Variants in FABP7 observed in about 807,000 individuals in gnomAD.
FABP7 encodes fatty acid-binding protein, brain.
A neutral mutation model predicts 14.2 loss-of-function variants in FABP7; 13 were observed. The ratio of observed to expected loss-of-function variants is 0.91; its 90% CI spans 0.59 to 1.45. The LOEUF is 1.45. FABP7 is among the 40% of genes most tolerant of loss of function. The pLI is 0.00. For synonymous variants in FABP7, 49 were observed against 51.4 expected, an observed-to-expected ratio of 0.95 and a Z score of 0.20; for missense variants, 149 against 157.6, an observed-to-expected ratio of 0.95 and a Z score of 0.29.
chr6:122,758,623 T>A, the FABP7 span, among the ~76,000 whole-genome samples: 1 of 152,326 alleles, frequency 6.6e-6, no homozygotes, highest in Non-Finnish European at 1.5e-5. Flanking sequence ...TGTGAATTTA[T>A]GTCCATTGTT....
chr6:122,766,372 G>T, the FABP7 span, among the ~76,000 whole-genome samples: 2 of 152,228 alleles, frequency 1.3e-5, no homozygotes, highest in Non-Finnish European at 2.9e-5. Context: ...GAAAGACTGT[G>T]CAGGAAAGAA....
intron 3 of FABP7, chr6:122,782,904 T>A (rs1232497996): frequency 1.0e-6 from 1 of 985,256 alleles, no homozygotes; most frequent in Non-Finnish European, 1.2e-6. Flanking sequence ...AAAGATTCGC[T>A]CTGAAGTTCT....
chr6:122,759,275 C>A, the FABP7 span, among the ~76,000 whole-genome samples: 2 of 152,072 alleles, frequency 1.3e-5, no homozygotes, highest in East Asian at 3.9e-4. Flanking sequence ...ACAAACTTCC[C>A]CCATAGGGTG....
At chr6:122,781,442 AT>A (rs1780781930) in intron 3 of FABP7, 3 of 1,406,124 alleles carry the variant, frequency 2.1e-6, no homozygotes, top group South Asian at 3.5e-5. Context: ...AGTTAAAAAA[AT>A]AAAAGTTGCC....
At chr6:122,773,889 A>G in the FABP7 span, among the ~76,000 whole-genome samples, 1 of 152,120 alleles carries the variant, frequency 6.6e-6, no homozygotes, top group Non-Finnish European at 1.5e-5. Context: ...TACTTTTTAA[A>G]AAAAACAAAC....
the FABP7 span, among the ~76,000 whole-genome samples, chr6:122,756,747 A>G: frequency 6.6e-6 from 1 of 152,234 alleles, no homozygotes; most frequent in Non-Finnish European, 1.5e-5. Context: ...ATCAATGACT[A>G]CTACATTACC....
the FABP7 span, among the ~76,000 whole-genome samples, chr6:122,762,513 T>C: frequency 3.3e-5 from 5 of 152,188 alleles, no homozygotes; most frequent in African/African-American, 1.2e-4. Context: ...CCACTCCTAT[T>C]CAACATCGTG....
chr6:122,762,084 C>G, the FABP7 span, among the ~76,000 whole-genome samples: 2 of 151,994 alleles, frequency 1.3e-5, no homozygotes, highest in African/African-American at 2.4e-5. Flanking sequence ...AGAGACACAA[C>G]AAAAAAAGAG....
At chr6:122,762,477 G>C in the FABP7 span, among the ~76,000 whole-genome samples, 1 of 152,124 alleles carries the variant, frequency 6.6e-6, no homozygotes, top group Admixed American at 6.5e-5. Flanking sequence ...TTGAAAACTG[G>C]CACAAGACAG....
the FABP7 span, among the ~76,000 whole-genome samples, chr6:122,765,683 A>AT: frequency 2.0e-5 from 3 of 151,400 alleles, no homozygotes; most frequent in South Asian, 6.2e-4. Context: ...ATTTTCTTTA[A>AT]TTTTTTCATT....
At chr6:122,755,156 A>G in the FABP7 span, among the ~76,000 whole-genome samples, 14 of 152,234 alleles carry the variant, frequency 9.2e-5, no homozygotes, top group East Asian at 2.1e-3. Context: ...CTTATATGCC[A>G]TGATCTATTG....
At chr6:122,770,378 C>G in the FABP7 span, among the ~76,000 whole-genome samples, 4 of 152,068 alleles carry the variant, frequency 2.6e-5, no homozygotes, top group Non-Finnish European at 5.9e-5. Flanking sequence ...ACACAAGACA[C>G]TTTTATCTGA....
the FABP7 span, among the ~76,000 whole-genome samples, chr6:122,752,872 G>A: frequency 8.1e-3 from 1,230 of 152,258 alleles, 8 homozygotes; most frequent in Middle Eastern, 0.027. Flanking sequence ...AAAGTTATTA[G>A]TCAAGCTGAG....
chr6:122,761,833 T>C, the FABP7 span, among the ~76,000 whole-genome samples: 1 of 152,168 alleles, frequency 6.6e-6, no homozygotes, highest in African/African-American at 2.4e-5. Context: ...GAAATCAATT[T>C]TAACTCAATT....
the FABP7 span, among the ~76,000 whole-genome samples, chr6:122,770,811 TAAA>T: frequency 6.6e-6 from 1 of 152,146 alleles, no homozygotes. Flanking sequence ...CAAACACATT[TAAA>T]AAATGTTCAT....
chr6:122,779,686 A>G (rs549419889), upstream of FABP7: 4,144 of 1,025,766 alleles, frequency 4.0e-3, 12 homozygotes, highest in Non-Finnish European at 5.4e-3. Flanking sequence ...CCTCTTTCCA[A>G]ATAAGAAGGC....
intron 3 of FABP7, chr6:122,782,246 A>G: frequency 2.1e-6 from 2 of 933,436 alleles, no homozygotes; most frequent in South Asian, 4.9e-5. Context: ...AAAGTACCAC[A>G]AACTTGGTGG....
chr6:122,767,338 G>A, the FABP7 span, among the ~76,000 whole-genome samples: 40,713 of 151,796 alleles, frequency 0.27, 6,255 homozygotes, highest in Non-Finnish European at 0.36. Flanking sequence ...CCGGTTATTA[G>A]GACTGTCATG....
the FABP7 span, among the ~76,000 whole-genome samples, chr6:122,757,797 C>T: frequency 2.6e-5 from 4 of 152,132 alleles, no homozygotes; most frequent in South Asian, 4.2e-4. Flanking sequence ...GAGGTGCATG[C>T]GTTCCAAGGA....
Sources: gnomAD v4.1 joint callset for allele counts (sites outside exome capture counted in the v4.1 genomes callset) on GRCh38, gnomAD v4.1.1 for gene constraint, MANE v1.5 for transcripts, NCBI Gene and HGNC (gene_info 2026-07-23, HGNC 2026-07-21) for gene names.